PLB1: variants seen among roughly 807,000 people sequenced by gnomAD.
PLB1 encodes the protein phospholipase B1, also known as phospholipase B1, membrane-associated.
In PLB1, 242 loss-of-function variants were observed where a neutral mutation model predicts 227.4. The ratio of observed to expected loss-of-function variants is 1.06; its 90% CI spans 0.96 to 1.18. The LOEUF is 1.18. PLB1 is among the 50% of genes most tolerant of loss of function. PLB1 has a pLI of 0.00. For synonymous variants in PLB1, 757 were observed against 682.2 expected (o/e 1.11, Z -1.71); for missense variants, 1,858 against 1,816.3 (o/e 1.02, Z -0.42).
intron 49 of PLB1, among the ~76,000 whole-genome samples, chr2:28,622,581 T>C (rs1687187826): frequency 6.6e-6 from 1 of 152,134 alleles, no homozygotes; most frequent in African/African-American, 2.4e-5. Context: ...GAGTGAACCC[T>C]AAGGTGGTTA....
chr2:28,554,331 AGAAAT>A (rs1674696844), intron 17 of PLB1, among the ~76,000 whole-genome samples: 1 of 150,392 alleles, frequency 6.6e-6, no homozygotes, highest in Non-Finnish European at 1.5e-5. Flanking sequence ...AGAGAGAGAG[AGAAAT>A]TTTTTTTTTG....
chr2:28,546,926 G>A (rs906609713), intron 14 of PLB1, among the ~76,000 whole-genome samples: 15 of 152,126 alleles, frequency 9.9e-5, no homozygotes, highest in East Asian at 1.9e-4. Flanking sequence ...AAAGGTGGGC[G>A]TGGTGGCTCA....
chr2:28,578,858 T>C (rs975784069), intron 22 of PLB1, among the ~76,000 whole-genome samples: 5 of 152,156 alleles, frequency 3.3e-5, no homozygotes, highest in Non-Finnish European at 7.4e-5. Context: ...TCCTGGATCT[T>C]GTTCTCACCT....
At chr2:28,581,023 G>A (rs1027697437) in intron 23 of PLB1, among the ~76,000 whole-genome samples, 1 of 152,086 alleles carries the variant, frequency 6.6e-6, no homozygotes, top group Middle Eastern at 3.4e-3. Context: ...GGGGCTGCTG[G>A]TAGCCCGTGG....
chr2:28,589,927 G>C (rs947132212), intron 28 of PLB1, 78 bp from the exon 29 acceptor site: 31 of 1,428,562 alleles, frequency 2.2e-5, no homozygotes, highest in Middle Eastern at 1.8e-4. Flanking sequence ...CCTGCCTCCC[G>C]CACCCCTGAC....
chr2:28,534,517 T>C (rs1671418698), intron 9 of PLB1, among the ~76,000 whole-genome samples: 1 of 152,236 alleles, frequency 6.6e-6, no homozygotes, highest in Non-Finnish European at 1.5e-5. Context: ...ATACTTGTAC[T>C]GGATTGGGAC....
intron 57 of PLB1, among the ~76,000 whole-genome samples, chr2:28,641,990 C>T (rs1381365958): frequency 3.3e-5 from 5 of 152,140 alleles, no homozygotes; most frequent in Non-Finnish European, 5.9e-5. Flanking sequence ...GGAAGCCCCA[C>T]GACTGCCCGC....
In PLB1 at chr2:28,534,546, T is replaced by C. The variant is rs1230545896; in HGVS notation, c.555+2352T>C. 4.6e-5 allele frequency among the ~76,000 whole-genome samples: 7 copies of C among 152,198 alleles called. No individual in the cohort carries two copies. In the East Asian group the frequency reaches 5.8e-4, roughly 13 times the overall value. On this transcript the variant is annotated intron_variant, in intron 9 of 57. Coordinates refer to ENST00000327757, the MANE Select transcript of PLB1 (RefSeq NM_153021.5). ...TTGGGACGTGAAACACATCTCACAC[T>C]GTGGGTCAAGATAAAAACAGCCTCA...
intron 6 of PLB1, 27 bp from the exon 7 acceptor site, chr2:28,529,290 A>G: frequency 6.5e-7 from 1 of 1,541,160 alleles, no homozygotes; most frequent in Non-Finnish European, 9.0e-7. Flanking sequence ...GGTGAAGGCC[A>G]GGGCCTCAAA....
intron 4 of PLB1, among the ~76,000 whole-genome samples, 161 bp downstream of exon 4, chr2:28,519,924 A>AT (rs994330656): frequency 6.6e-6 from 1 of 151,336 alleles, no homozygotes; most frequent in Non-Finnish European, 1.5e-5. Context: ...ATTTTATTTT[A>AT]TTATTTATTT....
intron 43 of PLB1, among the ~76,000 whole-genome samples, chr2:28,607,662 A>G (rs1366249587): frequency 1.3e-5 from 2 of 152,084 alleles, no homozygotes; most frequent in African/African-American, 4.8e-5. Flanking sequence ...CCTGGAGCAA[A>G]ACCTTAGAGG....
At chr2:28,548,597 A>G (rs989210066) in intron 14 of PLB1, 7 of 537,788 alleles carry the variant, frequency 1.3e-5, no homozygotes, top group South Asian at 3.1e-5. Context: ...ATATATATAT[A>G]TATAAAACCG....
Position 28,643,234 on chromosome 2 carries a change from T to G in PLB1, c.*173T>G. 1.8e-6 allele frequency: 1 copy of G among 561,012 alleles called. No individual in the cohort carries two copies. The highest frequency in any genetic ancestry group is 3.1e-6 in the Non-Finnish European group (1 of 320,254). 34.8% of individuals were successfully genotyped at this position (561,012 alleles called of 1,614,324 possible). On this transcript the variant is annotated 3_prime_UTR_variant, in exon 58 of 58. Coordinates refer to ENST00000327757, the MANE Select transcript of PLB1 (RefSeq NM_153021.5). ...TTCTTCCAGGCCTATGCTCCTGGAA[T>G]GGATACATTTAAATAAAGTCCAAAG...
chr2:28,516,790 A>T lies in PLB1; in HGVS notation c.56-18A>T. 6.2e-7 allele frequency: 1 copy of T among 1,608,500 alleles called. No individual in the cohort carries two copies. The highest frequency in any genetic ancestry group is 8.5e-7 in the Non-Finnish European group (1 of 1,175,206). On this transcript the variant is annotated intron_variant, in intron 1 of 57. Transcript: ENST00000327757. Reference sequence around the variant, plus strand: ...TAATTCCAGCTAAATAACTTGAACTATTTCTGCTTTCTTTCAGGGACCCCT... The same window carrying T: ...TAATTCCAGCTAAATAACTTGAACTTTTTCTGCTTTCTTTCAGGGACCCCT...
At chr2:28,516,023 T>C (rs1366342401) in intron 1 of PLB1, among the ~76,000 whole-genome samples, 2 of 152,232 alleles carry the variant, frequency 1.3e-5, no homozygotes, top group African/African-American at 4.8e-5. Context: ...TCACTTTTGA[T>C]TGTAAGAGGC....
chr2:28,620,115 A>G, intron 46 of PLB1, 150 bp from the exon 47 acceptor site: 1 of 518,100 alleles, frequency 1.9e-6, no homozygotes, highest in South Asian at 3.3e-5. Context: ...TATCAAGACC[A>G]CTCCAAGTTT....
At chr2:28,517,870 C>CTT (rs751699033) in intron 2 of PLB1, among the ~76,000 whole-genome samples, 18,204 of 133,748 alleles carry the variant, frequency 0.14, 1,649 homozygotes, top group East Asian at 0.36. Flanking sequence ...AGAACTTTCT[C>CTT]TTTTTTTTTT....
At chr2:28,635,098 T>C (rs939925136) in intron 56 of PLB1, among the ~76,000 whole-genome samples, 4 of 152,254 alleles carry the variant, frequency 2.6e-5, no homozygotes, top group African/African-American at 9.6e-5. Context: ...AGACTGTCCA[T>C]GGTTCCCCAG....
chr2:28,532,191 A>G lies in PLB1; in HGVS notation c.552A>G (p.Gln184=). 6.2e-7 allele frequency: 1 copy of G among 1,610,390 alleles called. No individual in the cohort carries two copies. The highest frequency in any genetic ancestry group is 1.1e-5 in the South Asian group (1 of 90,586). ...ASQCYLCPSA[Q]QNGLAAGGVD... ...AGTGTTACCTGTGCCCCTCTGCTCAACAGGTAAATGGCAGCCTTGGGGACC... is the reference window on the plus strand; with the variant it reads ...AGTGTTACCTGTGCCCCTCTGCTCAGCAGGTAAATGGCAGCCTTGGGGACC... The change falls in exon 9 of 58, where the codon CAA becomes CAG. Residue 184 remains glutamine, a synonymous_variant. Transcript: ENST00000327757.
Sources: gnomAD v4.1 joint callset for allele counts (sites outside exome capture counted in the v4.1 genomes callset) on GRCh38, gnomAD v4.1.1 for gene constraint, MANE v1.5 for transcripts, NCBI Gene and HGNC (gene_info 2026-07-23, HGNC 2026-07-21) for gene names.